The following SUGCT variants were observed in gnomAD, a reference collection of about 807,000 sequenced individuals.
SUGCT encodes succinyl-CoA:glutarate CoA-transferase.
Under a neutral mutation model 55.0 loss-of-function variants are expected in SUGCT, and 41 were observed. That is an observed-to-expected ratio of 0.74 (90% confidence interval 0.58 to 0.97). The LOEUF is 0.97. Among genes scored for constraint, SUGCT ranks in the 50% least tolerant of loss-of-function variants. SUGCT has a pLI of 0.00. For missense variants in SUGCT, 568 were observed against 547.8 expected, an observed-to-expected ratio of 1.04 and a Z score of -0.37; for synonymous variants, 187 against 200.4, an observed-to-expected ratio of 0.93 and a Z score of 0.56.
chr7:40,455,863 A>G (rs1356610890), intron 10 of SUGCT, among the ~76,000 whole-genome samples: 1 of 152,198 alleles, frequency 6.6e-6, no homozygotes, highest in Non-Finnish European at 1.5e-5. Flanking sequence ...ATGGCAATTA[A>G]ACTTAACATG....
intron 12 of SUGCT, among the ~76,000 whole-genome samples, chr7:40,515,360 A>G (rs761191448): frequency 1.1e-4 from 16 of 152,230 alleles, no homozygotes; most frequent in Non-Finnish European, 1.8e-4. Flanking sequence ...CCTTTTTATT[A>G]AAGTAGATAA....
chr7:40,998,387 G>C, the SUGCT span, among the ~76,000 whole-genome samples: 1 of 151,848 alleles, frequency 6.6e-6, no homozygotes, highest in Non-Finnish European at 1.5e-5. Context: ...AAGGAGCTAG[G>C]TGTGTTGAAC....
chr7:40,761,400 C>T (rs1788526130), intron 13 of SUGCT, among the ~76,000 whole-genome samples: 1 of 152,186 alleles, frequency 6.6e-6, no homozygotes, highest in South Asian at 2.1e-4. Flanking sequence ...ACTGTAACAG[C>T]TTAATTATGG....
At chr7:40,874,712 GA>G in the SUGCT span, among the ~76,000 whole-genome samples, 3 of 152,174 alleles carry the variant, frequency 2.0e-5, no homozygotes, top group Non-Finnish European at 4.4e-5. Flanking sequence ...GTTCAACTGG[GA>G]ATCCTAAGAG....
rs561350826 is a variant in SUGCT, at chr7:40,297,031, A to T, written c.721-19729A>T. ...CAAGGATTGCTGAGGATTAAAATGA[A>T]TTAATTTTTGTTAAGTTCTTATGGC... On this transcript the variant is annotated intron_variant, in intron 8 of 13. Transcript: ENST00000335693. Among the ~76,000 whole-genome samples the T allele has an allele frequency of 3.6e-4, 55 of 152,326 alleles. No homozygotes were observed. In the South Asian group the frequency reaches 6.2e-3, roughly 17 times the overall value.
At chr7:40,601,996 G>A (rs1798315261) in intron 12 of SUGCT, among the ~76,000 whole-genome samples, 1 of 152,100 alleles carries the variant, frequency 6.6e-6, no homozygotes, top group South Asian at 2.1e-4. Context: ...GACTTTTATA[G>A]ACATACTCTT....
intron 12 of SUGCT, among the ~76,000 whole-genome samples, chr7:40,637,171 A>G (rs1385999133): frequency 3.9e-5 from 6 of 152,246 alleles, no homozygotes; most frequent in Non-Finnish European, 5.9e-5. Context: ...TCACTAAAAT[A>G]TGTAAAAGGG....
At chr7:40,350,541 G>A (rs1797572967) in intron 9 of SUGCT, among the ~76,000 whole-genome samples, 1 of 150,848 alleles carries the variant, frequency 6.6e-6, no homozygotes, top group South Asian at 2.1e-4. Context: ...ATGTTGGTCA[G>A]GCTGGTCTTG....
At chr7:40,896,517 C>G in the SUGCT span, among the ~76,000 whole-genome samples, 4 of 151,842 alleles carry the variant, frequency 2.6e-5, no homozygotes, top group South Asian at 8.3e-4. Flanking sequence ...GCGGTTACCC[C>G]CCATGCTGCT....
chr7:40,283,005 A>C (rs1433278994), intron 8 of SUGCT, among the ~76,000 whole-genome samples: 3 of 152,156 alleles, frequency 2.0e-5, no homozygotes, highest in Non-Finnish European at 2.9e-5. Context: ...CCCAAAAAGC[A>C]CAGGCAATGA....
chr7:40,315,795 A>G (rs1795396261), intron 8 of SUGCT, among the ~76,000 whole-genome samples: 1 of 152,190 alleles, frequency 6.6e-6, no homozygotes, highest in Non-Finnish European at 1.5e-5. Context: ...GTGCTATATC[A>G]TGATTATGTC....
intron 13 of SUGCT, among the ~76,000 whole-genome samples, chr7:40,767,709 A>G (rs567714982): frequency 7.2e-5 from 11 of 152,352 alleles, no homozygotes; most frequent in South Asian, 4.1e-4. Context: ...CAGAGATCGT[A>G]GGTTCAAGAA....
At chr7:40,459,074 T>C (rs1376250749) in intron 10 of SUGCT, 27 bp from the exon 11 acceptor site, 2 of 1,501,768 alleles carry the variant, frequency 1.3e-6, no homozygotes, top group African/African-American at 1.4e-5. Context: ...CTATTTCTTA[T>C]ACTGGAAAAT....
the SUGCT span, among the ~76,000 whole-genome samples, chr7:40,993,320 C>A: frequency 6.6e-6 from 1 of 152,080 alleles, no homozygotes; most frequent in Non-Finnish European, 1.5e-5. Flanking sequence ...TTTGCTCACT[C>A]TATGGAGGAA....
chr7:40,854,389 A>C (rs1423858619), intron 13 of SUGCT, among the ~76,000 whole-genome samples: 1 of 138,940 alleles, frequency 7.2e-6, no homozygotes, highest in Non-Finnish European at 1.6e-5. Context: ...TTGTGTATCA[A>C]AATTTTTTTC....
At chr7:40,236,639 A>G (rs768802671) in intron 6 of SUGCT, among the ~76,000 whole-genome samples, 12 of 152,072 alleles carry the variant, frequency 7.9e-5, no homozygotes, top group Non-Finnish European at 1.2e-4. Context: ...AACTTTGTAT[A>G]TTACTGTGTA....
At chr7:40,945,794 A>G in the SUGCT span, among the ~76,000 whole-genome samples, 2 of 152,124 alleles carry the variant, frequency 1.3e-5, no homozygotes, top group Non-Finnish European at 2.9e-5. Context: ...ACTACTGTGA[A>G]TGCTGCTGCT....
At chr7:40,209,843 A>G (rs1168285604) in intron 6 of SUGCT, among the ~76,000 whole-genome samples, 1 of 152,176 alleles carries the variant, frequency 6.6e-6, no homozygotes, top group Admixed American at 6.6e-5. Context: ...AATTATTTTT[A>G]AAATTTCAAT....
intron 1 of SUGCT, among the ~76,000 whole-genome samples, chr7:40,170,685 C>G (rs1426580235): frequency 6.6e-6 from 1 of 152,034 alleles, no homozygotes; most frequent in East Asian, 1.9e-4. Context: ...GTTTTCCCAC[C>G]TTTCTTAACC....
Sources: allele counts gnomAD v4.1 joint callset (sites outside exome capture counted in the v4.1 genomes callset), GRCh38; gene constraint gnomAD v4.1.1; transcripts MANE v1.5; gene names NCBI Gene and HGNC (gene_info 2026-07-23, HGNC 2026-07-21).